Variants in RGS6 observed in about 807,000 individuals in gnomAD.
RGS6 encodes regulator of G-protein signaling 6.
In RGS6, 30 loss-of-function variants were observed where a neutral mutation model predicts 78.5. The ratio of observed to expected loss-of-function variants is 0.38; its 90% confidence interval spans 0.29 to 0.52. The LOEUF is 0.52. RGS6 is among the 20% of genes least tolerant of loss of function. The pLI, the probability that RGS6 is intolerant of heterozygous loss-of-function variation, is 0.85. For synonymous variants in RGS6, 206 were observed against 206.0 expected (o/e 1.00, Z 0.00); for missense variants, 495 against 609.7 (o/e 0.81, Z 1.98).
intron 2 of RGS6, among the ~76,000 whole-genome samples, chr14:71,998,525 T>C (rs565250867): frequency 2.0e-4 from 31 of 152,352 alleles, no homozygotes; most frequent in Admixed American, 2.0e-3. Flanking sequence ...TGCAGCTCTT[T>C]CTCGGCCTTC....
the RGS6 span, among the ~76,000 whole-genome samples, chr14:71,890,978 G>C: frequency 6.6e-6 from 1 of 152,158 alleles, no homozygotes; most frequent in Admixed American, 6.5e-5. Flanking sequence ...ACAGATTCTA[G>C]AGTGAAGGGG....
At chr14:72,351,656 T>C (rs1245963952) in intron 2 of RGS6, among the ~76,000 whole-genome samples, 1 of 152,242 alleles carries the variant, frequency 6.6e-6, no homozygotes, top group Non-Finnish European at 1.5e-5. Context: ...AGCAGCATGT[T>C]AATCTATGTT....
chr14:72,108,039 T>G (rs1381161587), intron 2 of RGS6, among the ~76,000 whole-genome samples: 3 of 152,334 alleles, frequency 2.0e-5, no homozygotes, highest in Admixed American at 1.3e-4. Context: ...GTTTCATATA[T>G]TTGATGGTCA....
chr14:72,326,561 C>A (rs1196627000), intron 2 of RGS6, among the ~76,000 whole-genome samples: 1 of 152,116 alleles, frequency 6.6e-6, no homozygotes, highest in Non-Finnish European at 1.5e-5. Context: ...ACATGAAATA[C>A]CTGCTACCCG....
intron 2 of RGS6, among the ~76,000 whole-genome samples, chr14:72,142,885 A>G (rs1265307721): frequency 6.6e-6 from 1 of 152,180 alleles, no homozygotes; most frequent in Non-Finnish European, 1.5e-5. Flanking sequence ...TCCATTCTAA[A>G]TAAGAGGCAA....
At chr14:72,330,591 A>G (rs188567430) in intron 2 of RGS6, among the ~76,000 whole-genome samples, 2 of 152,332 alleles carry the variant, frequency 1.3e-5, no homozygotes, top group African/African-American at 2.4e-5. Context: ...GATTCCTCCA[A>G]AAGGGCATTA....
intron 2 of RGS6, among the ~76,000 whole-genome samples, chr14:72,290,079 A>G (rs1248501365): frequency 6.6e-6 from 1 of 152,228 alleles, no homozygotes; most frequent in South Asian, 2.1e-4. Flanking sequence ...GGCATGGTGA[A>G]TCATAAATAA....
the RGS6 span, among the ~76,000 whole-genome samples, chr14:72,608,551 T>C: frequency 6.6e-6 from 1 of 151,974 alleles, no homozygotes; most frequent in East Asian, 1.9e-4. Flanking sequence ...TTCCCCCACC[T>C]CTCCTGTGAG....
intron 2 of RGS6, among the ~76,000 whole-genome samples, chr14:72,093,359 C>T (rs536376708): frequency 1.4e-4 from 21 of 152,266 alleles, no homozygotes; most frequent in African/African-American, 4.8e-4. Context: ...CCTCCTACCT[C>T]AGCCTCTTGA....
chr14:71,989,285 T>C (rs748713045), intron 2 of RGS6, among the ~76,000 whole-genome samples: 16 of 152,260 alleles, frequency 1.1e-4, no homozygotes, highest in Non-Finnish European at 2.2e-4. Context: ...CAGGTCAGGC[T>C]GTCTCTTCTT....
chr14:72,052,949 C>A (rs907394655), intron 2 of RGS6, among the ~76,000 whole-genome samples: 31 of 36,096 alleles, frequency 8.6e-4, no homozygotes, highest in African/African-American at 5.8e-3. Context: ...TTCTTTCTTT[C>A]TTTCTTTCTT....
intron 2 of RGS6, among the ~76,000 whole-genome samples, chr14:72,275,291 TTAA>T (rs1175342164): frequency 6.6e-6 from 1 of 152,230 alleles, no homozygotes; most frequent in Non-Finnish European, 1.5e-5. Flanking sequence ...TTTTAGTCAC[TTAA>T]TAACCATAAT....
chr14:71,905,179 A>C, the RGS6 span, among the ~76,000 whole-genome samples: 1 of 152,194 alleles, frequency 6.6e-6, no homozygotes, highest in Non-Finnish European at 1.5e-5. Context: ...ATCCATGGAC[A>C]GCAGATGAAT....
chr14:72,275,957 C>G (rs538200579), intron 2 of RGS6, among the ~76,000 whole-genome samples: 1 of 152,144 alleles, frequency 6.6e-6, no homozygotes, highest in Non-Finnish European at 1.5e-5. Context: ...ACGTCTAGAC[C>G]TCTCTATCCC....
the RGS6 span, among the ~76,000 whole-genome samples, chr14:72,611,032 A>C: frequency 6.6e-6 from 1 of 152,194 alleles, no homozygotes; most frequent in Non-Finnish European, 1.5e-5. Flanking sequence ...TGTGTCCCTG[A>C]CTACCTCCAC....
chr14:72,504,050 C>T (rs928842025), intron 13 of RGS6, among the ~76,000 whole-genome samples: 1 of 152,236 alleles, frequency 6.6e-6, no homozygotes, highest in Non-Finnish European at 1.5e-5. Flanking sequence ...TCCTTTAAAA[C>T]TGTTCTGCTC....
chr14:72,329,260 A>C (rs920240232), intron 2 of RGS6, among the ~76,000 whole-genome samples: 1 of 152,274 alleles, frequency 6.6e-6, no homozygotes, highest in African/African-American at 2.4e-5. Context: ...ATACATATGC[A>C]CATGCATGAA....
chr14:72,425,056 A>C (rs1402860941), intron 3 of RGS6, among the ~76,000 whole-genome samples: 1 of 152,248 alleles, frequency 6.6e-6, no homozygotes, highest in East Asian at 1.9e-4. Flanking sequence ...TAATGAAAGC[A>C]CATCCCTTAA....
At chr14:72,047,185 G>A (rs1006020663) in intron 2 of RGS6, among the ~76,000 whole-genome samples, 3 of 152,210 alleles carry the variant, frequency 2.0e-5, no homozygotes, top group Non-Finnish European at 2.9e-5. Flanking sequence ...TTTCCAACTG[G>A]ACTGGTAATC....
Sources: allele counts gnomAD v4.1 joint callset (sites outside exome capture counted in the v4.1 genomes callset), GRCh38; gene constraint gnomAD v4.1.1; transcripts MANE v1.5; gene names NCBI Gene and HGNC (gene_info 2026-07-23, HGNC 2026-07-21).